The following KAZN variants were observed in gnomAD, a reference collection of about 807,000 sequenced individuals.
KAZN encodes the protein kazrin.
KAZN carries 40 observed loss-of-function variants against 87.4 expected under a neutral mutation model. The observed-to-expected ratio is 0.46, with a 90% CI of 0.36 to 0.60. KAZN has a LOEUF of 0.60. Ranked by LOEUF, KAZN falls within the 20% of genes least tolerant of loss-of-function variation. The pLI is 0.00. For missense variants in KAZN, 898 were observed against 1,073.9 expected (o/e 0.84, Z 2.29); for synonymous variants, 466 against 458.3 (o/e 1.02, Z -0.22).
At chr1:14,494,648 A>G (rs1288659998) in intron 2 of KAZN, among the ~76,000 whole-genome samples, 2 of 152,138 alleles carry the variant, frequency 1.3e-5, no homozygotes, top group African/African-American at 4.8e-5. Context: ...GTAATAGTCT[A>G]TCCCCACTGC....
At chr1:15,042,217 A>G (rs927524976) in intron 3 of KAZN, among the ~76,000 whole-genome samples, 1 of 152,186 alleles carries the variant, frequency 6.6e-6, no homozygotes, top group Non-Finnish European at 1.5e-5. Flanking sequence ...GACATTTTAT[A>G]AGCAGCCTCT....
intron 2 of KAZN, among the ~76,000 whole-genome samples, chr1:14,340,758 TGTAA>T (rs1389748825): frequency 2.0e-5 from 3 of 152,248 alleles, no homozygotes; most frequent in South Asian, 4.1e-4. Flanking sequence ...ATCCCTGATC[TGTAA>T]GTGTGTCTGT....
intron 1 of KAZN, chr1:14,924,538 C>T: frequency 9.9e-7 from 1 of 1,011,264 alleles, no homozygotes; most frequent in Non-Finnish European, 1.2e-6. Flanking sequence ...CCGGGGTTCC[C>T]CGGGTCCGAG....
intron 1 of KAZN, among the ~76,000 whole-genome samples, chr1:14,102,311 G>C (rs1644274479): frequency 6.6e-6 from 1 of 152,040 alleles, no homozygotes; most frequent in African/African-American, 2.4e-5. Flanking sequence ...GAGACAGCCT[G>C]GGAAAAAAAT....
chr1:14,462,307 A>G (rs2148351457), intron 2 of KAZN, among the ~76,000 whole-genome samples: 1 of 152,072 alleles, frequency 6.6e-6, no homozygotes, highest in Non-Finnish European at 1.5e-5. Flanking sequence ...GAGCCCCTAG[A>G]TTTCCACCAT....
intron 2 of KAZN, among the ~76,000 whole-genome samples, chr1:15,007,855 G>C (rs1206337133): frequency 6.6e-6 from 1 of 152,150 alleles, no homozygotes; most frequent in Non-Finnish European, 1.5e-5. Flanking sequence ...GTTTTTTCCT[G>C]ATAGAGTTAT....
rs184436447 is a variant in KAZN, at chr1:14,381,580, T to C, written c.249+200988T>C. Reference sequence around the variant, plus strand: ...AATGGACTAAAGGACAAAAACCATATGATCATTTCAATTGATGCTGAAAAA... The same window carrying C: ...AATGGACTAAAGGACAAAAACCATACGATCATTTCAATTGATGCTGAAAAA... On this transcript the variant is annotated intron_variant, in intron 2 of 16. Coordinates refer to the KAZN transcript ENST00000636203. Among the ~76,000 whole-genome samples, 456 of 152,300 alleles carry C rather than the reference T, an allele frequency of 3.0e-3. 1 individual carries two copies. Among genetic ancestry groups the C allele is most frequent in the Non-Finnish European group, 5.7e-3 (388 of 68,028 alleles).
intron 1 of KAZN, among the ~76,000 whole-genome samples, chr1:13,896,228 C>T (rs1194781603): frequency 6.6e-6 from 1 of 152,188 alleles, no homozygotes; most frequent in Non-Finnish European, 1.5e-5. Context: ...CTCATGACTA[C>T]TTGGCTCTAC....
chr1:14,192,882 C>A (rs1646450031), intron 2 of KAZN, among the ~76,000 whole-genome samples: 1 of 152,136 alleles, frequency 6.6e-6, no homozygotes, highest in Non-Finnish European at 1.5e-5. Context: ...GACATTGGGT[C>A]TTTACAGAGT....
chr1:14,556,167 CGGTG>C lies in KAZN; in HGVS notation c.250-42815_250-42812del, dbSNP rs1364466318. 1.8e-4 allele frequency among the ~76,000 whole-genome samples: 27 copies of C among 149,760 alleles called. 1 individual carries two copies. The South Asian group carries it at 5.3e-3, about 29-fold the overall frequency. ...ACTCTGTCCCCAGGCTGGAGGGCAG[CGGTG>C]TGATCTGTGCTCATTGCAAGCTCCG... On this transcript the variant is annotated intron_variant, in intron 2 of 16. Coordinates refer to the KAZN transcript ENST00000636203.
chr1:14,318,227 C>G (rs569150979), intron 2 of KAZN, among the ~76,000 whole-genome samples: 11 of 152,082 alleles, frequency 7.2e-5, no homozygotes, highest in Non-Finnish European at 1.6e-4. Context: ...CCTCTCACAT[C>G]TCTTGTAACA....
At chr1:15,049,541 A>G (rs2100417474) in intron 4 of KAZN, among the ~76,000 whole-genome samples, 1 of 152,138 alleles carries the variant, frequency 6.6e-6, no homozygotes, top group South Asian at 2.1e-4. Context: ...CCTGGAGTGC[A>G]GAATCACCCC....
chr1:14,881,874 A>G (rs1369186653), intron 1 of KAZN, among the ~76,000 whole-genome samples: 1 of 152,312 alleles, frequency 6.6e-6, no homozygotes, highest in Non-Finnish European at 1.5e-5. Flanking sequence ...GCTGCTGGCT[A>G]TGGTGGTGGC....
rs1641813279 is a variant in KAZN, at chr1:15,115,523, G to T, written c.*888G>T. ...CTCCGTGACAGTGGTATGGAGTGTG[G>T]CAATGAGTTTGGGGTCTGGGGCAGG... On this transcript the variant is annotated 3_prime_UTR_variant, in exon 15 of 15. Coordinates refer to ENST00000376030, the MANE Select transcript of KAZN (RefSeq NM_201628.3). This position sits in a 1 kb window ranked among gnomAD's most constrained non-coding sequence, Gnocchi z 4.1. 6.6e-6 allele frequency: 1 copy of T among 152,208 alleles called. No homozygotes were observed. The allele number at this position is 152,208 out of a possible 1,614,324, so 9.4% of individuals were successfully genotyped here. A position where few individuals can be genotyped will look rare whatever the true frequency, so the allele number is the denominator to read the frequency against.
intron 2 of KAZN, among the ~76,000 whole-genome samples, chr1:14,485,434 G>C (rs942662365): frequency 3.3e-5 from 5 of 152,274 alleles, no homozygotes; most frequent in Admixed American, 2.6e-4. Flanking sequence ...CTACAACAGG[G>C]CCAGGGGCAA....
At chr1:14,647,259 A>G (rs1680876850) in intron 1 of KAZN, among the ~76,000 whole-genome samples, 1 of 152,212 alleles carries the variant, frequency 6.6e-6, no homozygotes, top group Non-Finnish European at 1.5e-5. Context: ...TTGCAGAATT[A>G]TGTAAAAGTA....
intron 2 of KAZN, among the ~76,000 whole-genome samples, chr1:14,189,503 T>C (rs1646380053): frequency 6.6e-6 from 1 of 152,210 alleles, no homozygotes; most frequent in Non-Finnish European, 1.5e-5. Flanking sequence ...ATTCTGCTAA[T>C]ACGGACAGGC....
intron 1 of KAZN, among the ~76,000 whole-genome samples, chr1:13,943,630 A>G (rs1641024427): frequency 6.6e-6 from 1 of 152,120 alleles, no homozygotes; most frequent in Admixed American, 6.5e-5. Flanking sequence ...TGATCCCAGA[A>G]GGAAGAACAA....
At chr1:14,310,986 A>C (rs1345853586) in intron 2 of KAZN, among the ~76,000 whole-genome samples, 2 of 152,190 alleles carry the variant, frequency 1.3e-5, no homozygotes, top group Non-Finnish European at 2.9e-5. Context: ...GAGATCCATC[A>C]GAGTTGTTGT....
Sources: gnomAD v4.1 joint callset for allele counts (sites outside exome capture counted in the v4.1 genomes callset) on GRCh38, gnomAD v4.1.1 for gene constraint, Gnocchi (gnomAD v3.1) non-coding constraint, MANE v1.5 for transcripts, NCBI Gene and HGNC (gene_info 2026-07-23, HGNC 2026-07-21) for gene names.